Variants in CATSPER1 observed in about 807,000 individuals in gnomAD.
The protein encoded by CATSPER1 is cation channel sperm-associated protein 1.
CATSPER1 carries 57 observed loss-of-function variants against 72.7 expected under a neutral mutation model. The ratio of observed to expected loss-of-function variants is 0.78; its 90% CI spans 0.63 to 0.98. The LOEUF is 0.98. Ranked by LOEUF, CATSPER1 falls within the 50% of genes least tolerant of loss-of-function variation. The probability of loss-of-function intolerance (pLI) is 0.00; values close to 1 mark genes in which losing one functional copy is unlikely to be tolerated. For synonymous variants in CATSPER1, 363 were observed against 403.0 expected (o/e 0.90, Z 1.19); for missense variants, 910 against 1,033.9 (o/e 0.88, Z 1.64).
intron 9 of CATSPER1, among the ~76,000 whole-genome samples, chr11:66,019,513 G>C (rs1438238948): frequency 2.6e-5 from 4 of 152,004 alleles, no homozygotes; most frequent in Non-Finnish European, 5.9e-5. Context: ...CTGACCTCAG[G>C]TGATCCGCCC....
In CATSPER1 at chr11:66,025,770, G is replaced by T. The variant is rs372650214; in HGVS notation, c.610C>A (p.His204Asn). Residue 204 changes from histidine (H) to asparagine (N), a missense_variant, in exon 1 of 12, where the codon CAC becomes AAC. Physicochemically the swap from His to Asn is moderately conservative, Grantham distance 68. Coordinates refer to ENST00000312106, the MANE Select transcript of CATSPER1 (RefSeq NM_053054.4). The stretch of plus-strand genomic sequence containing the variant: ...ACTTGGTGATGCTGGGACTCATCGT[G>T]TTGGAGCCCGCTAAGGTGGGAAGCC... ...SEASHLSGLQ[H>N]DESQHHQVPH... The T allele has an allele frequency of 3.1e-6, 5 of 1,613,910 alleles. No individual in the cohort carries two copies. The highest frequency in any genetic ancestry group is 4.2e-6 in the Non-Finnish European group (5 of 1,179,904).
At position 66,021,132 on chromosome 11, in the gene CATSPER1, G is replaced by A; in HGVS notation, c.1745C>T (p.Ser582Phe). Residue 582 changes from serine (S) to phenylalanine (F), a missense_variant, in exon 5 of 12, where the codon TCC (serine) becomes TTC (phenylalanine). Physicochemically the swap from Ser to Phe is radical, Grantham distance 155. Coordinates refer to ENST00000312106, the MANE Select transcript of CATSPER1 (RefSeq NM_053054.4). Reference sequence around the variant, plus strand: ...CATGAGGATGAGGATGGCTGCGATGGACGGCAAGGACTGGCCCAGGGTCCC... The same window carrying A: ...CATGAGGATGAGGATGGCTGCGATGAACGGCAAGGACTGGCCCAGGGTCCC... The part of the protein sequence containing the change: ...VTGTLGQSLP[S>F]IAAILILMFT... 6.2e-7 allele frequency: 1 copy of A among 1,613,502 alleles called. No homozygotes were observed. The highest frequency in any genetic ancestry group is 1.7e-4 in the Middle Eastern group (1 of 6,054).
At chr11:66,022,823 T>C (rs1337897723) in intron 2 of CATSPER1, 26 bp downstream of exon 2, 3 of 1,613,008 alleles carry the variant, frequency 1.9e-6, no homozygotes, top group Admixed American at 3.3e-5. Context: ...GGCTTCTCCA[T>C]GGGAACAGGA....
In CATSPER1 at chr11:66,020,982, T is replaced by A; in HGVS notation, c.1784-28A>T. On this transcript the variant is annotated intron_variant, in intron 5 of 11. Coordinates refer to ENST00000312106, the MANE Select transcript of CATSPER1 (RefSeq NM_053054.4). The surrounding 1 kb of genome is among the most constrained non-coding windows in gnomAD (Gnocchi z 4.5). ...GGCTGTTCAGGGCCAAACTCAGCTC[T>A]CCAGTGCTATCCCCACCCCAGCGCC... 3 of 1,613,464 alleles carry A rather than the reference T, an allele frequency of 1.9e-6. No homozygotes were observed. Among genetic ancestry groups the A allele is most frequent in the Non-Finnish European group, 2.5e-6 (3 of 1,180,006 alleles).
chr11:66,021,764 A>G lies in CATSPER1; in HGVS notation c.1543+2T>C, dbSNP rs776993682. The G allele has an allele frequency of 6.2e-7, 1 of 1,613,728 alleles. No homozygotes were observed. The highest frequency in any genetic ancestry group is 8.5e-7 in the Non-Finnish European group (1 of 1,179,734). The stretch of plus-strand genomic sequence containing the variant: ...ACGCAGCCTGGCCCCGGCCGCACCC[A>G]CCCAAATTGTTCCAGAAGTCAAAGA... On this transcript the variant is annotated splice_donor_variant, in intron 3 of 11. Transcript: ENST00000312106. LOFTEE classifies it high-confidence loss of function.
At position 66,025,346 on chromosome 11, in the gene CATSPER1, C is replaced by G; in HGVS notation, c.1034G>C (p.Arg345Pro). The change falls in exon 1 of 12, where the codon CGT becomes CCT. Residue 345 changes from arginine to proline, a missense_variant. Arg to Pro is a moderately radical substitution (Grantham distance 103, BLOSUM62 -2). Coordinates refer to ENST00000312106, the MANE Select transcript of CATSPER1 (RefSeq NM_053054.4). ...IHDAPGPAAS[R>P]TGVFPYHVAH... is the part of the protein sequence containing the mutation. ...TACGTGATAGGGGAAGACTCCTGTA[C>G]GAGAAGCAGCAGGGCCGGGGGCATC... is the stretch of plus-strand genomic sequence containing the variant. 6.2e-7 allele frequency: 1 copy of G among 1,614,038 alleles called. No homozygotes were observed. The highest frequency in any genetic ancestry group is 8.5e-7 in the Non-Finnish European group (1 of 1,180,002).
In CATSPER1 at chr11:66,021,032, C is replaced by T. The variant is rs976110886; in HGVS notation, c.1783+62G>A. On this transcript the variant is annotated intron_variant, in intron 5 of 11. Coordinates refer to ENST00000312106, the MANE Select transcript of CATSPER1 (RefSeq NM_053054.4). ...CCCTCGTCCTGCCCCATCCCTGCTC[C>T]CCGCACCCCTTTCACCGCAGCCCCT... The T allele has an allele frequency of 6.2e-6, 10 of 1,606,354 alleles. No homozygotes were observed. The African/African-American group carries it at 1.3e-4, about 22-fold the overall frequency.
At chr11:66,023,169 G>GCC (rs980499298) in intron 1 of CATSPER1, 108 bp from the exon 2 acceptor site, 30 of 1,079,742 alleles carry the variant, frequency 2.8e-5, no homozygotes, top group Non-Finnish European at 3.9e-5. Context: ...CTGCTTGCTG[G>GCC]CCCTCTGCCT....
chr11:66,025,717 G>T lies in CATSPER1; in HGVS notation c.663C>A (p.His221Gln). 1 of 1,613,960 alleles carries T rather than the reference G, an allele frequency of 6.2e-7. No homozygotes were observed. Among genetic ancestry groups the T allele is most frequent in the South Asian group, 1.1e-5 (1 of 91,062 alleles). The change falls in exon 1 of 12, where the codon CAC becomes CAA. Residue 221 changes from histidine to glutamine, a missense_variant. Physicochemically the swap from His to Gln is conservative, Grantham distance 24. Transcript: ENST00000312106. ...GGGACCTGCCATGGTGGTGGACTTG[G>T]TGATGGTGGGGCCAGCCACGGTGGG... ...QVPHRGWPHHHQVHHHGRSRH... is the reference protein window; with the variant it reads ...QVPHRGWPHHQQVHHHGRSRH...
intron 1 of CATSPER1, 66 bp downstream of exon 1, chr11:66,025,098 C>T (rs908327626): frequency 4.9e-5 from 78 of 1,604,366 alleles, no homozygotes; most frequent in Non-Finnish European, 5.9e-5. Flanking sequence ...AGTGCGGGGC[C>T]GAGATCAGGT....
Position 66,020,021 on chromosome 11 carries a change from A to C in CATSPER1, c.2125+119T>G. The C allele has an allele frequency of 1.8e-6, 2 of 1,138,684 alleles. No individual in the cohort carries two copies. Among genetic ancestry groups the C allele is most frequent in the Non-Finnish European group, 2.6e-6 (2 of 779,426 alleles). 70.5% of individuals were successfully genotyped at this position (1,138,684 alleles called of 1,614,324 possible). A position where few individuals can be genotyped will look rare whatever the true frequency, so the allele number is the denominator to read the frequency against. On this transcript the variant is annotated intron_variant, in intron 9 of 11. Transcript: ENST00000312106. The surrounding 1 kb of genome is among the most constrained non-coding windows in gnomAD (Gnocchi z 4.5). ...GGACTAAAGTCCTCCTGAGTCTCAA[A>C]TTCTAAAACTCTAAAACTGAGTCTG... is the stretch of plus-strand genomic sequence containing the variant.
In CATSPER1 at chr11:66,020,869, G is replaced by A; in HGVS notation, c.1869C>T (p.Leu623=). Residue 623 remains leucine, a synonymous_variant, in exon 6 of 12, where the codon CTC becomes CTT. Transcript: ENST00000312106. The surrounding 1 kb of genome is among the most constrained non-coding windows in gnomAD (Gnocchi z 4.5). ...AGTCATCCAGCGTGAGCAAGGTGAAGAGGGTGAAGATGGTGGTGAAGATGT... is the reference window on the plus strand; with the variant it reads ...AGTCATCCAGCGTGAGCAAGGTGAAAAGGGTGAAGATGGTGGTGAAGATGT... ...FQNIFTTIFT[L]FTLLTLDDWS... The A allele has an allele frequency of 6.2e-7, 1 of 1,614,022 alleles. No individual in the cohort carries two copies. Among genetic ancestry groups the A allele is most frequent in the Non-Finnish European group, 8.5e-7 (1 of 1,180,032 alleles).
chr11:66,020,942 G>T lies in CATSPER1; in HGVS notation c.1796C>A (p.Ala599Glu), dbSNP rs376519887. 1.2e-6 allele frequency: 2 copies of T among 1,613,990 alleles called. No individual in the cohort carries two copies. The highest frequency in any genetic ancestry group is 1.7e-6 in the Non-Finnish European group (2 of 1,180,022). Reference sequence around the variant, plus strand: ...TTTGCGGAACAGTGCCCGGAGGACCGCGGAGAAGAGGACTGGCTGTTCAGG... The same window carrying T: ...TTTGCGGAACAGTGCCCGGAGGACCTCGGAGAAGAGGACTGGCTGTTCAGG... Reference protein sequence around the residue: ...LMFTCLFLFSAVLRALFRKSD... With the variant: ...LMFTCLFLFSEVLRALFRKSD... Residue 599 changes from alanine to glutamate, a missense_variant, in exon 6 of 12, where the codon GCG becomes GAG. Physicochemically the swap from Ala to Glu is moderately radical, Grantham distance 107 (BLOSUM62 -1). Transcript: ENST00000312106. This position sits in a 1 kb window ranked among gnomAD's most constrained non-coding sequence, Gnocchi z 4.5.
intron 1 of CATSPER1, among the ~76,000 whole-genome samples, chr11:66,024,086 C>T (rs1416261579): frequency 6.6e-6 from 1 of 151,722 alleles, no homozygotes. Flanking sequence ...GCCTCACCCT[C>T]CTGTGTAGCC....
In CATSPER1 at chr11:66,022,444, C is replaced by G. The variant is rs139176775; in HGVS notation, c.1429+405G>C. Among the ~76,000 whole-genome samples, 168 of 152,394 alleles carry G rather than the reference C, an allele frequency of 1.1e-3. 1 individual carries two copies. Among genetic ancestry groups the G allele is most frequent in the African/African-American group, 3.7e-3 (153 of 41,598 alleles). Reference sequence around the variant, plus strand: ...TAGAATGGAGCCTGAGACAGCGAGCCGGGCAGCTCCTGTCCTTCACCCTGC... The same window carrying G: ...TAGAATGGAGCCTGAGACAGCGAGCGGGGCAGCTCCTGTCCTTCACCCTGC... On this transcript the variant is annotated intron_variant, in intron 2 of 11. Coordinates refer to ENST00000312106, the MANE Select transcript of CATSPER1 (RefSeq NM_053054.4).
intron 1 of CATSPER1, among the ~76,000 whole-genome samples, chr11:66,024,808 A>G (rs550021431): frequency 2.1e-4 from 32 of 152,164 alleles, no homozygotes; most frequent in South Asian, 2.1e-4. Context: ...CAGCTAAGTG[A>G]CCACTCCTAG....
intron 10 of CATSPER1, among the ~76,000 whole-genome samples, chr11:66,018,317 C>A (rs1856282068): frequency 6.6e-6 from 1 of 151,910 alleles, no homozygotes; most frequent in Non-Finnish European, 1.5e-5. Context: ...AGATCCTTCT[C>A]ATGGGGACAG....
In CATSPER1 at chr11:66,025,200, A is replaced by T. The variant is rs771277974; in HGVS notation, c.1180T>A (p.Trp394Arg). 2.6e-5 allele frequency: 42 copies of T among 1,614,006 alleles called. No homozygotes were observed. The highest frequency in any genetic ancestry group is 3.4e-5 in the Non-Finnish European group (40 of 1,180,032). ...QDISTKHSEDWGKEEGQFQKR... is the reference protein window; with the variant it reads ...QDISTKHSEDRGKEEGQFQKR... ...TGAAATTGCCCTTCTTCTTTGCCCC[A>T]GTCTTCTGAATGTTTGGTGGAGATA... The change falls in exon 1 of 12, where the codon TGG (tryptophan) becomes AGG (arginine). Residue 394 changes from tryptophan (W) to arginine (R), a missense_variant. Physicochemically the swap from Trp to Arg is moderately radical, Grantham distance 101 (BLOSUM62 -3). Coordinates refer to ENST00000312106, the MANE Select transcript of CATSPER1 (RefSeq NM_053054.4).
chr11:66,016,957 A>T (rs529217754), intron 11 of CATSPER1, 41 bp from the exon 12 acceptor site: 1 of 1,613,898 alleles, frequency 6.2e-7, no homozygotes, highest in East Asian at 2.2e-5. Context: ...AATGAGCCAG[A>T]CTTTGCCTTC....
Sources: gnomAD v4.1 joint callset for allele counts (sites outside exome capture counted in the v4.1 genomes callset) on GRCh38, gnomAD v4.1.1 for gene constraint, Gnocchi (gnomAD v3.1) non-coding constraint, MANE v1.5 for transcripts, NCBI Gene and HGNC (gene_info 2026-07-23, HGNC 2026-07-21) for gene names.